NCKAP5: variants seen among roughly 807,000 people sequenced by gnomAD.
The protein encoded by NCKAP5 is NCK associated protein 5.
A neutral mutation model predicts 167.0 loss-of-function variants in NCKAP5; 92 were observed. The ratio of observed to expected loss-of-function variants is 0.55; its 90% CI spans 0.47 to 0.66. The LOEUF (loss-of-function observed/expected upper bound fraction) is 0.66, where lower values mean the gene tolerates loss of function less well. Ranked by LOEUF, NCKAP5 falls within the 30% of genes least tolerant of loss-of-function variation. The pLI is 0.00. For missense variants in NCKAP5, 2,378 were observed against 2,315.0 expected (o/e 1.03, Z -0.56); for synonymous variants, 891 against 877.4 (o/e 1.02, Z -0.27).
intron 19 of NCKAP5, among the ~76,000 whole-genome samples, chr2:132,709,153 C>A (rs6748804): frequency 3.5e-5 from 5 of 143,350 alleles, no homozygotes; most frequent in Non-Finnish European, 4.4e-5. Context: ...CTACACCCCC[C>A]CACCAAACCA....
intron 3 of NCKAP5, among the ~76,000 whole-genome samples, chr2:133,421,696 C>G (rs1034491681): frequency 6.6e-6 from 1 of 152,226 alleles, no homozygotes; most frequent in African/African-American, 2.4e-5. Flanking sequence ...CAAGAGCCAA[C>G]CAGTGACCTC....
At chr2:133,396,715 C>T (rs1687750514) in intron 3 of NCKAP5, among the ~76,000 whole-genome samples, 2 of 152,098 alleles carry the variant, frequency 1.3e-5, no homozygotes, top group South Asian at 4.1e-4. Flanking sequence ...CTATAAAGAC[C>T]CTATCTCCAA....
intron 8 of NCKAP5, among the ~76,000 whole-genome samples, chr2:132,942,501 T>C (rs1293227995): frequency 6.6e-6 from 1 of 152,202 alleles, no homozygotes; most frequent in Non-Finnish European, 1.5e-5. Flanking sequence ...CTGTAATTTT[T>C]ATTTGGTGTA....
intron 9 of NCKAP5, among the ~76,000 whole-genome samples, chr2:132,870,708 G>A (rs535867286): frequency 6.7e-6 from 1 of 150,202 alleles, no homozygotes; most frequent in Admixed American, 6.7e-5. Context: ...AACTATTTGT[G>A]CTTCTTTCTC....
At position 133,536,805 on chromosome 2, in the gene NCKAP5, A is replaced by T. The variant is rs551430194; in HGVS notation, c.-61-19218T>A. Among the ~76,000 whole-genome samples the T allele has an allele frequency of 1.7e-4, 26 of 151,094 alleles. No homozygotes were observed. In the East Asian group the frequency reaches 4.1e-3, roughly 24 times the overall value. ...TATCCTTTGAGGCACATTTTTTTTT[A>T]AATTTTACTGATGTCCAAGCTATCT... On this transcript the variant is annotated intron_variant, in intron 2 of 19. Coordinates refer to ENST00000409261, the MANE Select transcript of NCKAP5 (RefSeq NM_207363.3).
chr2:133,191,226 C>G (rs554003472), intron 5 of NCKAP5, among the ~76,000 whole-genome samples: 1 of 152,228 alleles, frequency 6.6e-6, no homozygotes, highest in Non-Finnish European at 1.5e-5. Context: ...CAAAGAGAAA[C>G]TATCTCACAC....
chr2:132,775,614 G>T (rs1432909678), intron 15 of NCKAP5, among the ~76,000 whole-genome samples: 2 of 152,176 alleles, frequency 1.3e-5, no homozygotes, highest in Non-Finnish European at 2.9e-5. Flanking sequence ...TTTACAGATG[G>T]CAGGGAGGAA....
At chr2:133,373,864 C>T (rs969207916) in intron 3 of NCKAP5, among the ~76,000 whole-genome samples, 11 of 152,296 alleles carry the variant, frequency 7.2e-5, no homozygotes, top group East Asian at 1.9e-4. Flanking sequence ...AACAAATGGA[C>T]GTTCACATGC....
At chr2:132,950,214 T>C (rs2076142289) in intron 8 of NCKAP5, among the ~76,000 whole-genome samples, 1 of 152,244 alleles carries the variant, frequency 6.6e-6, no homozygotes, top group South Asian at 2.1e-4. Context: ...AATTGTGAAC[T>C]GAACTAGTTC....
At chr2:133,228,117 G>A (rs942698540) in intron 4 of NCKAP5, among the ~76,000 whole-genome samples, 1 of 152,170 alleles carries the variant, frequency 6.6e-6, no homozygotes, top group African/African-American at 2.4e-5. Context: ...GAAGTGACCA[G>A]CTTTGACCTG....
chr2:133,628,923 T>C, the NCKAP5 span, among the ~76,000 whole-genome samples: 20 of 152,206 alleles, frequency 1.3e-4, no homozygotes, highest in Admixed American at 4.6e-4. Flanking sequence ...CTGGGAGAAC[T>C]GGGTAGCCAT....
At chr2:133,174,581 G>C (rs1224566030) in intron 5 of NCKAP5, among the ~76,000 whole-genome samples, 1 of 152,014 alleles carries the variant, frequency 6.6e-6, no homozygotes, top group Non-Finnish European at 1.5e-5. Context: ...TGCTCAAATT[G>C]TACCAGCTTT....
intron 6 of NCKAP5, among the ~76,000 whole-genome samples, chr2:133,103,770 G>A (rs1397574995): frequency 1.3e-5 from 2 of 152,182 alleles, no homozygotes; most frequent in African/African-American, 4.8e-5. Flanking sequence ...TCAGAGAGAG[G>A]TGCTGTCTCA....
chr2:133,470,270 G>A (rs1052068360), intron 3 of NCKAP5, among the ~76,000 whole-genome samples: 69 of 151,818 alleles, frequency 4.5e-4, no homozygotes, highest in South Asian at 1.0e-3. Flanking sequence ...ATACCCTGCC[G>A]TGTGAGGTGT....
intron 5 of NCKAP5, among the ~76,000 whole-genome samples, chr2:133,152,823 A>T (rs1290803373): frequency 2.0e-5 from 3 of 152,170 alleles, no homozygotes; most frequent in African/African-American, 7.2e-5. Flanking sequence ...TTGTGTTTAG[A>T]TATCAAATAC....
At chr2:133,661,497 T>G in the NCKAP5 span, among the ~76,000 whole-genome samples, 1 of 152,204 alleles carries the variant, frequency 6.6e-6, no homozygotes, top group Non-Finnish European at 1.5e-5. Context: ...AGAGTCAGTT[T>G]CTTTTCTGCA....
At chr2:133,638,454 TAAAAC>T in the NCKAP5 span, among the ~76,000 whole-genome samples, 1 of 152,004 alleles carries the variant, frequency 6.6e-6, no homozygotes, top group African/African-American at 2.4e-5. Flanking sequence ...GAAAGGGAAT[TAAAAC>T]AAAACACATA....
intron 6 of NCKAP5, among the ~76,000 whole-genome samples, chr2:133,077,199 A>G (rs571574764): frequency 6.6e-6 from 1 of 152,240 alleles, no homozygotes; most frequent in African/African-American, 2.4e-5. Flanking sequence ...GCAGAATATG[A>G]CAGTTATTAC....
At chr2:132,792,461 A>G (rs1684150744) in intron 12 of NCKAP5, among the ~76,000 whole-genome samples, 1 of 152,226 alleles carries the variant, frequency 6.6e-6, no homozygotes. Flanking sequence ...GGCACCTGGA[A>G]TGTGCACTGA....
Sources: allele counts gnomAD v4.1 joint callset (sites outside exome capture counted in the v4.1 genomes callset), GRCh38; gene constraint gnomAD v4.1.1; transcripts MANE v1.5; gene names NCBI Gene and HGNC (gene_info 2026-07-23, HGNC 2026-07-21).